GRID2: variants seen among roughly 807,000 people sequenced by gnomAD.
GRID2 encodes the protein glutamate receptor ionotropic, delta-2.
GRID2 carries 33 observed loss-of-function variants against 114.8 expected under a neutral mutation model. The ratio of observed to expected loss-of-function variants is 0.29; its 90% CI spans 0.22 to 0.38. The LOEUF (loss-of-function observed/expected upper bound fraction) is 0.38. Among genes scored for constraint, GRID2 ranks in the 10% least tolerant of loss-of-function variants. GRID2 has a pLI of 1.00. For missense variants in GRID2, 1,184 were observed against 1,257.7 expected (o/e 0.94, Z 0.89); for synonymous variants, 505 against 449.9 (o/e 1.12, Z -1.55).
At chr4:92,471,266 A>G (rs1722020059) in intron 1 of GRID2, among the ~76,000 whole-genome samples, 1 of 152,068 alleles carries the variant, frequency 6.6e-6, no homozygotes, top group African/African-American at 2.4e-5. Flanking sequence ...TCTATTGGGC[A>G]TCCTTCAATC....
chr4:92,864,038 A>G (rs542534580), intron 2 of GRID2, among the ~76,000 whole-genome samples: 11 of 152,292 alleles, frequency 7.2e-5, no homozygotes, highest in Admixed American at 2.6e-4. Flanking sequence ...GGTGCTTCCC[A>G]TTAATAAGAT....
chr4:92,350,021 AT>A (rs1458681609), intron 1 of GRID2, among the ~76,000 whole-genome samples: 1 of 151,912 alleles, frequency 6.6e-6, no homozygotes, highest in African/African-American at 2.4e-5. Flanking sequence ...GCATATAACC[AT>A]TACATATTAC....
chr4:92,398,755 A>G (rs1174123973), intron 1 of GRID2, among the ~76,000 whole-genome samples: 1 of 151,630 alleles, frequency 6.6e-6, no homozygotes, highest in African/African-American at 2.4e-5. Context: ...AAATGAAAGA[A>G]AGACTAGAAA....
At chr4:92,389,781 T>C (rs942954260) in intron 1 of GRID2, among the ~76,000 whole-genome samples, 6 of 152,104 alleles carry the variant, frequency 3.9e-5, no homozygotes, top group African/African-American at 9.6e-5. Context: ...CCCTGTGTTA[T>C]GGATTTGTAT....
At chr4:92,996,032 G>A (rs1755175919) in intron 2 of GRID2, among the ~76,000 whole-genome samples, 1 of 151,864 alleles carries the variant, frequency 6.6e-6, no homozygotes, top group Non-Finnish European at 1.5e-5. Flanking sequence ...GCTCATGCCT[G>A]TAATCCCAGC....
intron 2 of GRID2, among the ~76,000 whole-genome samples, chr4:92,593,781 G>A (rs907388583): frequency 4.0e-5 from 6 of 150,442 alleles, no homozygotes; most frequent in Non-Finnish European, 8.9e-5. Flanking sequence ...TTCATCTTTT[G>A]TGTACTGAGC....
chr4:92,779,026 T>G (rs1032112188), intron 2 of GRID2, among the ~76,000 whole-genome samples: 3 of 152,096 alleles, frequency 2.0e-5, no homozygotes, highest in African/African-American at 7.2e-5. Context: ...CACTGGAAAT[T>G]TTCATTCTAT....
rs753798830 is a variant in GRID2, at chr4:92,471,461, C to CT, written c.89-118664dup. Among the ~76,000 whole-genome samples, 45 of 152,076 alleles carry CT rather than the reference C, an allele frequency of 3.0e-4. No homozygotes were observed. In the East Asian group the frequency reaches 7.7e-3, roughly 26 times the overall value. On this transcript the variant is annotated intron_variant, in intron 1 of 15. Coordinates refer to ENST00000282020, the MANE Select transcript of GRID2 (RefSeq NM_001510.4). ...AAACTAGAACCCAAATCTCCAAACT[C>CT]TTTTTTCCCATTATGTTTTCTCCTA... is the stretch of plus-strand genomic sequence containing the variant.
At chr4:93,094,239 G>C (rs1731016007) in intron 3 of GRID2, among the ~76,000 whole-genome samples, 1 of 151,986 alleles carries the variant, frequency 6.6e-6, no homozygotes, top group Non-Finnish European at 1.5e-5. Flanking sequence ...TTCATGACTT[G>C]AAAAGCAAGC....
chr4:92,419,288 A>C (rs2110320099), intron 1 of GRID2, among the ~76,000 whole-genome samples: 1 of 152,206 alleles, frequency 6.6e-6, no homozygotes, highest in South Asian at 2.1e-4. Flanking sequence ...AATGTGATTT[A>C]AACCTCCTAA....
chr4:93,025,431 C>T (rs180968956), intron 2 of GRID2, among the ~76,000 whole-genome samples: 163 of 151,824 alleles, frequency 1.1e-3, no homozygotes, highest in Admixed American at 5.4e-3. Context: ...ATAATATTCT[C>T]CTCAACCTAT....
chr4:92,939,118 T>C (rs1376548301), intron 2 of GRID2, among the ~76,000 whole-genome samples: 3 of 147,386 alleles, frequency 2.0e-5, no homozygotes, highest in South Asian at 2.3e-4. Flanking sequence ...TTTCTAGTTC[T>C]AGATCCATGA....
At chr4:93,405,083 A>T (rs1743542805) in intron 9 of GRID2, among the ~76,000 whole-genome samples, 1 of 152,162 alleles carries the variant, frequency 6.6e-6, no homozygotes, top group South Asian at 2.1e-4. Flanking sequence ...TGTAAAGTTT[A>T]GGTAAAATAG....
At chr4:92,645,133 A>G (rs1731546421) in intron 2 of GRID2, among the ~76,000 whole-genome samples, 2 of 151,608 alleles carry the variant, frequency 1.3e-5, no homozygotes, top group African/African-American at 4.8e-5. Flanking sequence ...TAAGTTCTAT[A>G]TTTTATAAAA....
At position 92,305,993 on chromosome 4, in the gene GRID2, C is replaced by T. The variant is rs531134430; in HGVS notation, c.88+1249C>T. 2.4e-3 allele frequency among the ~76,000 whole-genome samples: 363 copies of T among 152,290 alleles called. 1 individual carries two copies. Among genetic ancestry groups the T allele is most frequent in the Non-Finnish European group, 4.3e-3 (292 of 68,030 alleles). On this transcript the variant is annotated intron_variant, in intron 1 of 15. Transcript: ENST00000282020. Reference sequence around the variant, plus strand: ...AGATGGGTCACAGCTTCTCCCCTTTCTGTACCCCTGCTTCTCCACCGCACA... The same window carrying T: ...AGATGGGTCACAGCTTCTCCCCTTTTTGTACCCCTGCTTCTCCACCGCACA...
intron 1 of GRID2, among the ~76,000 whole-genome samples, chr4:92,450,781 T>A (rs1251918055): frequency 2.7e-5 from 4 of 150,674 alleles, no homozygotes; most frequent in African/African-American, 9.7e-5. Context: ...TGTGTAAAAG[T>A]GTGTTAATAA....
intron 4 of GRID2, among the ~76,000 whole-genome samples, chr4:93,173,949 A>G (rs1168994889): frequency 6.6e-6 from 1 of 152,148 alleles, no homozygotes; most frequent in Non-Finnish European, 1.5e-5. Context: ...GGATTTTTAA[A>G]TGCATTTTGT....
intron 14 of GRID2, among the ~76,000 whole-genome samples, chr4:93,630,475 G>A (rs568440164): frequency 1.3e-5 from 2 of 152,220 alleles, no homozygotes; most frequent in East Asian, 3.9e-4. Flanking sequence ...AAAAGTATGA[G>A]CTCAAGTCTA....
At chr4:93,174,835 A>G (rs954541523) in intron 4 of GRID2, among the ~76,000 whole-genome samples, 1 of 152,132 alleles carries the variant, frequency 6.6e-6, no homozygotes. Flanking sequence ...GCTAACATAC[A>G]TGGCATGAAT....
Sources: gnomAD v4.1 joint callset for allele counts (sites outside exome capture counted in the v4.1 genomes callset) on GRCh38, gnomAD v4.1.1 for gene constraint, MANE v1.5 for transcripts, NCBI Gene and HGNC (gene_info 2026-07-23, HGNC 2026-07-21) for gene names.